Variants in HEPHL1 observed in about 807,000 individuals in gnomAD.
HEPHL1 encodes the protein hephaestin like 1.
A neutral mutation model predicts 122.0 loss-of-function variants in HEPHL1; 123 were observed. The observed-to-expected ratio is 1.01, with a 90% confidence interval of 0.87 to 1.17. HEPHL1 has a LOEUF of 1.17. HEPHL1 is among the 50% of genes most tolerant of loss of function. The pLI, the probability that HEPHL1 is intolerant of heterozygous loss-of-function variation, is 0.00. For synonymous variants in HEPHL1, 527 were observed against 508.9 expected, an observed-to-expected ratio of 1.04 and a Z score of -0.48; for missense variants, 1,452 against 1,430.5, an observed-to-expected ratio of 1.01 and a Z score of -0.24.
intron 17 of HEPHL1, 134 bp downstream of exon 17, chr11:94,106,264 G>T: frequency 1.8e-6 from 1 of 557,272 alleles, no homozygotes. Flanking sequence ...TAATGTGATT[G>T]TACCGTTTCC....
intron 2 of HEPHL1, among the ~76,000 whole-genome samples, chr11:94,056,647 C>A (rs1225199560): frequency 2.2e-4 from 2 of 8,906 alleles, no homozygotes; most frequent in Non-Finnish European, 0.023. Context: ...CTCCTTTGTG[C>A]TATTATTGAT....
At chr11:94,046,430 A>G (rs1200686251) in intron 2 of HEPHL1, among the ~76,000 whole-genome samples, 1 of 145,534 alleles carries the variant, frequency 6.9e-6, no homozygotes. Flanking sequence ...CTTATTTCCT[A>G]CCTCTCCTCT....
At chr11:94,052,458 T>C (rs1333931049) in intron 2 of HEPHL1, among the ~76,000 whole-genome samples, 1 of 151,856 alleles carries the variant, frequency 6.6e-6, no homozygotes, top group Non-Finnish European at 1.5e-5. Context: ...TGATTTTGTA[T>C]GTTGATTTTG....
At chr11:94,073,474 A>G in intron 8 of HEPHL1, 35 bp downstream of exon 8, 1 of 1,547,630 alleles carries the variant, frequency 6.5e-7, no homozygotes, top group Non-Finnish European at 8.7e-7. Flanking sequence ...AGGAAACAGG[A>G]CGGGTGAGCA....
chr11:94,037,389 C>G (rs1289401985), intron 1 of HEPHL1, among the ~76,000 whole-genome samples: 2 of 151,962 alleles, frequency 1.3e-5, no homozygotes, highest in Non-Finnish European at 2.9e-5. Context: ...GGCCTGCCTG[C>G]CTCTGTAGGC....
intron 13 of HEPHL1, among the ~76,000 whole-genome samples, chr11:94,096,153 G>A (rs923620742): frequency 5.9e-5 from 9 of 152,066 alleles, no homozygotes; most frequent in South Asian, 2.1e-4. Context: ...ATTGGCTGTC[G>A]GTTTGTCATA....
At position 94,070,577 on chromosome 11, in the gene HEPHL1, G is replaced by A. The variant is rs745836182; in HGVS notation, c.1232+35G>A. 62 of 1,539,910 alleles carry A rather than the reference G, an allele frequency of 4.0e-5. 1 individual carries two copies. The highest frequency in any genetic ancestry group is 1.1e-4 in the East Asian group (5 of 43,790). ...CTTTGTTGGTGTTTCTAAGCCTCTCGTCAGAGAAGCATGTGTTAGGCTTTC... is the reference window on the plus strand; with the variant it reads ...CTTTGTTGGTGTTTCTAAGCCTCTCATCAGAGAAGCATGTGTTAGGCTTTC... On this transcript the variant is annotated intron_variant, in intron 6 of 19. Coordinates refer to ENST00000315765, the MANE Select transcript of HEPHL1 (RefSeq NM_001098672.2).
At chr11:94,033,243 ATTCT>A (rs1350983947) in intron 1 of HEPHL1, among the ~76,000 whole-genome samples, 2 of 152,154 alleles carry the variant, frequency 1.3e-5, no homozygotes, top group African/African-American at 4.8e-5. Context: ...GTTGAATTGA[ATTCT>A]TTCTTCTGAG....
At chr11:94,035,749 T>G (rs745378088) in intron 1 of HEPHL1, among the ~76,000 whole-genome samples, 4 of 152,194 alleles carry the variant, frequency 2.6e-5, no homozygotes, top group African/African-American at 4.8e-5. Flanking sequence ...TTTTATTTTA[T>G]TTTTTGAGAC....
chr11:94,086,851 C>T (rs552396876), intron 11 of HEPHL1, among the ~76,000 whole-genome samples: 3 of 152,350 alleles, frequency 2.0e-5, no homozygotes, highest in African/African-American at 7.2e-5. Flanking sequence ...ATGCTAATCA[C>T]TGCATGAAAA....
At chr11:94,109,431 A>G (rs1171092078) in intron 17 of HEPHL1, among the ~76,000 whole-genome samples, 1 of 152,160 alleles carries the variant, frequency 6.6e-6, no homozygotes, top group Non-Finnish European at 1.5e-5. Flanking sequence ...TTTGTTCTTA[A>G]TCTTACAAGG....
chr11:94,036,212 GT>G (rs1003161318), intron 1 of HEPHL1, among the ~76,000 whole-genome samples: 2 of 152,180 alleles, frequency 1.3e-5, no homozygotes, highest in Non-Finnish European at 2.9e-5. Context: ...AAGGAGCACT[GT>G]CCCTGGGTCT....
At chr11:94,106,987 A>T (rs1946414568) in intron 17 of HEPHL1, among the ~76,000 whole-genome samples, 1 of 152,224 alleles carries the variant, frequency 6.6e-6, no homozygotes, top group South Asian at 2.1e-4. Context: ...ACTGTACAGC[A>T]GAGCCATCTG....
Position 94,075,128 on chromosome 11 carries a change from T to C in HEPHL1, c.1505-46T>C, listed in dbSNP as rs964401683. 2.0e-6 allele frequency: 3 copies of C among 1,530,026 alleles called. No individual in the cohort carries two copies. The African/African-American group carries it at 4.1e-5, about 21-fold the overall frequency. 94.8% of individuals were successfully genotyped at this position (1,530,026 alleles called of 1,614,324 possible). A position where few individuals can be genotyped will look rare whatever the true frequency, so the allele number is the denominator to read the frequency against. On this transcript the variant is annotated intron_variant, in intron 8 of 19. Coordinates refer to ENST00000315765, the MANE Select transcript of HEPHL1 (RefSeq NM_001098672.2). ...GGAAGACCCAGTCTGACCAATGTAATGTTCTTGCCTGTTGTTTTGAATAAT... is the reference window on the plus strand; with the variant it reads ...GGAAGACCCAGTCTGACCAATGTAACGTTCTTGCCTGTTGTTTTGAATAAT...
At chr11:94,070,628 C>T in intron 6 of HEPHL1, 86 bp downstream of exon 6, 1 of 1,143,214 alleles carries the variant, frequency 8.7e-7, no homozygotes, top group Non-Finnish European at 1.3e-6. Context: ...GTATTCCAAC[C>T]ACTGCTCTGA....
At chr11:94,028,586 A>G (rs954486828) in intron 1 of HEPHL1, among the ~76,000 whole-genome samples, 6 of 152,114 alleles carry the variant, frequency 3.9e-5, no homozygotes, top group Non-Finnish European at 7.4e-5. Flanking sequence ...GTTAATGTTA[A>G]CCTTCCTGGC....
At position 94,099,820 on chromosome 11, in the gene HEPHL1, G is replaced by A. The variant is rs117571760; in HGVS notation, c.2435-1375G>A. The stretch of plus-strand genomic sequence containing the variant: ...TGTGGGTCCATCTGAGCCAGGCACC[G>A]GCTATAATCTCCTGGTGTGCCGTTT... On this transcript the variant is annotated intron_variant, in intron 13 of 19. Coordinates refer to ENST00000315765, the MANE Select transcript of HEPHL1 (RefSeq NM_001098672.2). Among the ~76,000 whole-genome samples, 45 of 152,324 alleles carry A rather than the reference G, an allele frequency of 3.0e-4. No homozygotes were observed. The East Asian group carries it at 7.7e-3, about 26-fold the overall frequency.
chr11:94,103,273 CAAA>C (rs755716566), intron 15 of HEPHL1, among the ~76,000 whole-genome samples: 40 of 44,278 alleles, frequency 9.0e-4, no homozygotes, highest in African/African-American at 3.3e-3. Context: ...TTTTTTTTCC[CAAA>C]AAAAAAAAAA....
At position 94,106,051 on chromosome 11, in the gene HEPHL1, C is replaced by T. The variant is rs771118072; in HGVS notation, c.2966C>T (p.Thr989Ile). 10 of 1,600,898 alleles carry T rather than the reference C, an allele frequency of 6.2e-6. No homozygotes were observed. The South Asian group carries it at 1.0e-4, about 16-fold the overall frequency. The change falls in exon 17 of 20, where the codon ACA becomes ATA. Residue 989 changes from threonine to isoleucine, a missense_variant. By Grantham distance (89) the Thr-to-Ile change is moderately conservative. Transcript: ENST00000315765. ...CTCATAATGAACGAAGATACAATGA[C>T]AAACTGGTATTTGTTAGGGATAGGA... ...HGLIMNEDTM[T>I]NWYLLGIGSE...
Sources: gnomAD v4.1 joint callset for allele counts (sites outside exome capture counted in the v4.1 genomes callset) on GRCh38, gnomAD v4.1.1 for gene constraint, MANE v1.5 for transcripts, NCBI Gene and HGNC (gene_info 2026-07-23, HGNC 2026-07-21) for gene names.